The following GINS1 variants were observed in gnomAD, a reference collection of about 807,000 sequenced individuals.
GINS1 encodes DNA replication complex GINS protein PSF1.
Under a neutral mutation model 34.9 loss-of-function variants are expected in GINS1, and 26 were observed. That is an observed-to-expected ratio of 0.74 (90% CI 0.55 to 1.03). The LOEUF (loss-of-function observed/expected upper bound fraction) is 1.03, where lower values mean the gene tolerates loss of function less well. Ranked by LOEUF, GINS1 falls within the 50% of genes least tolerant of loss-of-function variation. The pLI, the probability that GINS1 is intolerant of heterozygous loss-of-function variation, is 0.00. For missense variants in GINS1, 235 were observed against 237.9 expected, an observed-to-expected ratio of 0.99 and a Z score of 0.08; for synonymous variants, 97 against 84.4, an observed-to-expected ratio of 1.15 and a Z score of -0.82.
intron 2 of GINS1, among the ~76,000 whole-genome samples, chr20:25,416,513 A>G (rs1312590947): frequency 6.6e-6 from 1 of 152,204 alleles, no homozygotes; most frequent in East Asian, 1.9e-4. Flanking sequence ...ACTCCAAAGT[A>G]GATTCTTATT....
At position 25,413,803 on chromosome 20, in the gene GINS1, G is replaced by C. The variant is rs138584129; in HGVS notation, c.89G>C (p.Arg30Thr). Residue 30 changes from arginine to threonine, a missense_variant, in exon 2 of 7, where the codon AGA becomes ACA. Coordinates refer to ENST00000262460, the MANE Select transcript of GINS1 (RefSeq NM_021067.5). ...TATATGTTCTAGGAGGATGGACTCAGACAAGTTCTGGAGGAGATGAAAGCT... is the reference window on the plus strand; with the variant it reads ...TATATGTTCTAGGAGGATGGACTCACACAAGTTCTGGAGGAGATGAAAGCT... ...QLPAFNEDGL[R>T]QVLEEMKALY... 1.9e-6 allele frequency: 3 copies of C among 1,581,502 alleles called. No individual in the cohort carries two copies. The highest frequency in any genetic ancestry group is 2.6e-6 in the Non-Finnish European group (3 of 1,150,288).
At chr20:25,409,662 G>A (rs911091351) in intron 1 of GINS1, among the ~76,000 whole-genome samples, 2 of 152,176 alleles carry the variant, frequency 1.3e-5, no homozygotes, top group African/African-American at 4.8e-5. Flanking sequence ...ACAAATTATG[G>A]GTCAAGTTAA....
At chr20:25,411,389 A>G (rs974881499) in intron 1 of GINS1, 4 of 152,212 alleles carry the variant, frequency 2.6e-5, no homozygotes, top group African/African-American at 9.7e-5. Flanking sequence ...GAATTGTGCC[A>G]TTTGTATATG....
Position 25,418,088 on chromosome 20 carries a change from C to A in GINS1, c.240-17C>A, listed in dbSNP as rs1405360372. On this transcript the variant is annotated splice_polypyrimidine_tract_variant and intron_variant, in intron 3 of 6. Transcript: ENST00000262460. ...CCGTTTATTCTTATGCCACCCAATA[C>A]CTTCTTGATGTCCTAGGTATGACCG... is the stretch of plus-strand genomic sequence containing the variant. 4.9e-6 allele frequency: 7 copies of A among 1,434,774 alleles called. No individual in the cohort carries two copies. Among genetic ancestry groups the A allele is most frequent in the South Asian group, 1.1e-5 (1 of 87,714 alleles). 88.9% of individuals were successfully genotyped at this position (1,434,774 alleles called of 1,614,324 possible). A position where few individuals can be genotyped will look rare whatever the true frequency, so the allele number is the denominator to read the frequency against.
At chr20:25,415,067 T>C (rs1481945229) in intron 2 of GINS1, among the ~76,000 whole-genome samples, 1 of 152,242 alleles carries the variant, frequency 6.6e-6, no homozygotes, top group Non-Finnish European at 1.5e-5. Context: ...CAACTGTCTG[T>C]GACATGAGGT....
intron 6 of GINS1, among the ~76,000 whole-genome samples, chr20:25,442,029 C>A (rs1028008568): frequency 7.9e-5 from 12 of 152,006 alleles, no homozygotes; most frequent in Non-Finnish European, 1.8e-4. Flanking sequence ...GGGGAATTAC[C>A]ATAATCAGCC....
intron 2 of GINS1, among the ~76,000 whole-genome samples, chr20:25,415,922 G>C (rs932717454): frequency 8.5e-5 from 13 of 152,190 alleles, no homozygotes; most frequent in African/African-American, 2.9e-4. Flanking sequence ...TAGGGAGGCA[G>C]TGACTGTGGG....
At chr20:25,410,769 G>A (rs2090279579) in intron 1 of GINS1, among the ~76,000 whole-genome samples, 2 of 151,966 alleles carry the variant, frequency 1.3e-5, no homozygotes, top group Middle Eastern at 3.4e-3. Context: ...CACTATTTTG[G>A]CCGGGCTGGT....
intron 6 of GINS1, among the ~76,000 whole-genome samples, chr20:25,445,406 G>A (rs2090506170): frequency 1.3e-5 from 2 of 150,698 alleles, no homozygotes; most frequent in South Asian, 4.2e-4. Context: ...GAGTGCAGTG[G>A]CACGGTCTCG....
At chr20:25,412,921 A>G (rs2090295349) in intron 1 of GINS1, among the ~76,000 whole-genome samples, 1 of 152,034 alleles carries the variant, frequency 6.6e-6, no homozygotes, top group Non-Finnish European at 1.5e-5. Flanking sequence ...TACAGATGAT[A>G]TTATTCTTTT....
chr20:25,415,685 C>CAAAA (rs370801254), intron 2 of GINS1, among the ~76,000 whole-genome samples: 2 of 49,154 alleles, frequency 4.1e-5, no homozygotes, highest in African/African-American at 6.1e-5. Flanking sequence ...AACTCCATCT[C>CAAAA]AAAAAAAAAA....
rs539169631 is a variant in GINS1 at position 25,439,527 on chromosome 20, G to A, written c.448-2175G>A. Among the ~76,000 whole-genome samples, 270 of 151,880 alleles carry A rather than the reference G, an allele frequency of 1.8e-3. 1 individual carries two copies. Among genetic ancestry groups the A allele is most frequent in the Admixed American group, 3.6e-3 (55 of 15,230 alleles). On this transcript the variant is annotated intron_variant, in intron 5 of 6. Transcript: ENST00000262460. ...TTTTCAACAAATAAAATACCAAGAGGAAGGAAAAAATAAAGAGGAAGTGAA... is the reference window on the plus strand; with the variant it reads ...TTTTCAACAAATAAAATACCAAGAGAAAGGAAAAAATAAAGAGGAAGTGAA...
At chr20:25,435,788 AC>A (rs371483144) in intron 5 of GINS1, among the ~76,000 whole-genome samples, 40,139 of 100,282 alleles carry the variant, frequency 0.4, 11,274 homozygotes, top group East Asian at 0.91. Context: ...AAAAAAAAAA[AC>A]CAACTTTTTG....
chr20:25,423,541 T>TCACTGCAA (rs1019673046), intron 4 of GINS1, among the ~76,000 whole-genome samples: 2 of 122,196 alleles, frequency 1.6e-5, no homozygotes, highest in Middle Eastern at 4.8e-3. Flanking sequence ...CAATCTTGGC[T>TCACTGCAA]CACTGCAAGC....
intron 1 of GINS1, 53 bp from the exon 2 acceptor site, chr20:25,413,737 C>A: frequency 9.9e-7 from 1 of 1,014,578 alleles, no homozygotes; most frequent in Non-Finnish European, 1.6e-6. Context: ...AGCATATTGC[C>A]ACAGAATTGG....
chr20:25,428,969 CTTTTTTTTTT>C (rs77113924), intron 5 of GINS1, among the ~76,000 whole-genome samples: 64 of 127,500 alleles, frequency 5.0e-4, no homozygotes, highest in African/African-American at 1.8e-3. Context: ...ATTCCTCTCT[CTTTTTTTTTT>C]TTTTTTTTTT....
chr20:25,443,803 CTG>C (rs932637869), intron 6 of GINS1, among the ~76,000 whole-genome samples: 54 of 151,730 alleles, frequency 3.6e-4, no homozygotes, highest in African/African-American at 1.3e-3. Flanking sequence ...TTTTTTAACT[CTG>C]TTTCTCAGCT....
At chr20:25,421,724 T>C (rs926730618) in intron 4 of GINS1, among the ~76,000 whole-genome samples, 1 of 152,220 alleles carries the variant, frequency 6.6e-6, no homozygotes, top group Non-Finnish European at 1.5e-5. Context: ...TATGTTCTTT[T>C]GTGGAAGTAA....
chr20:25,433,961 G>GT (rs886551243), intron 5 of GINS1, among the ~76,000 whole-genome samples: 44 of 152,096 alleles, frequency 2.9e-4, no homozygotes, highest in Admixed American at 1.8e-3. Context: ...TTTTTTAAAT[G>GT]TGTTAGTCAC....
Sources: gnomAD v4.1 joint callset for allele counts (sites outside exome capture counted in the v4.1 genomes callset) on GRCh38, gnomAD v4.1.1 for gene constraint, MANE v1.5 for transcripts, NCBI Gene and HGNC (gene_info 2026-07-23, HGNC 2026-07-21) for gene names.